The following SUPT5H variants were observed in gnomAD, a reference collection of about 807,000 sequenced individuals.
SUPT5H encodes transcription elongation factor SPT5.
Under a neutral mutation model 142.5 loss-of-function variants are expected in SUPT5H, and 24 were observed. The ratio of observed to expected loss-of-function variants is 0.17; its 90% CI spans 0.12 to 0.24. SUPT5H has a LOEUF of 0.24. Among genes scored for constraint, SUPT5H ranks in the 10% least tolerant of loss-of-function variants. SUPT5H has a pLI of 1.00. For missense variants in SUPT5H, 893 were observed against 1,471.8 expected (o/e 0.61, Z 6.43); for synonymous variants, 546 against 553.0 (o/e 0.99, Z 0.18).
intron 11 of SUPT5H, 52 bp downstream of exon 11, chr19:39,465,101 CT>C: frequency 6.4e-7 from 1 of 1,565,112 alleles, no homozygotes. Flanking sequence ...TCTGTTCTCC[CT>C]TCCTTTCCTT....
chr19:39,455,379 T>C (rs904638215), intron 3 of SUPT5H, among the ~76,000 whole-genome samples: 6 of 151,840 alleles, frequency 4.0e-5, no homozygotes, highest in Non-Finnish European at 7.4e-5. Context: ...CTGGCCAAGA[T>C]GGCGAAACCC....
chr19:39,457,023 A>T (rs974515016), intron 3 of SUPT5H, among the ~76,000 whole-genome samples: 1 of 152,234 alleles, frequency 6.6e-6, no homozygotes, highest in Non-Finnish European at 1.5e-5. Flanking sequence ...ATGTGCATGT[A>T]TTACGTTTTT....
rs1376183863 is a variant in SUPT5H at position 39,458,777 on chromosome 19, C to T, written c.320-41C>T. ...CCTATTTTCTCCAGGCCCCTGCCCT[C>T]CACCTGCCCTTGCTCACGCCCTCTG... On this transcript the variant is annotated intron_variant, in intron 5 of 29. Coordinates refer to ENST00000432763, the MANE Select transcript of SUPT5H (RefSeq NM_001111020.3). The surrounding 1 kb of genome is among the most constrained non-coding windows in gnomAD (Gnocchi z 4.2). The T allele has an allele frequency of 1.3e-6, 2 of 1,575,814 alleles. No homozygotes were observed. Among genetic ancestry groups the T allele is most frequent in the Non-Finnish European group, 1.7e-6 (2 of 1,155,680 alleles).
chr19:39,476,489 G>T lies in SUPT5H; in HGVS notation c.*90G>T, dbSNP rs895202264. ...CTGTGACACAAGATCCTCCTGCAGG[G>T]CTAGGCGGATTGTTCTGGATTTCCT... On this transcript the variant is annotated 3_prime_UTR_variant, in exon 30 of 30. Coordinates refer to ENST00000432763, the MANE Select transcript of SUPT5H (RefSeq NM_001111020.3). The T allele has an allele frequency of 3.3e-6, 5 of 1,500,718 alleles. No homozygotes were observed. Among genetic ancestry groups the T allele is most frequent in the Non-Finnish European group, 4.6e-6 (5 of 1,095,624 alleles). The allele number at this position is 1,500,718 out of a possible 1,614,324, so 93.0% of individuals were successfully genotyped here. A position where few individuals can be genotyped will look rare whatever the true frequency, so the allele number is the denominator to read the frequency against.
In SUPT5H at chr19:39,476,634, AC is replaced by A. The variant is rs1447493299; in HGVS notation, c.*237del. The A allele has an allele frequency of 4.9e-5, 27 of 552,328 alleles. No homozygotes were observed. In the African/African-American group the frequency reaches 5.0e-4, roughly 10 times the overall value. 34.2% of individuals were successfully genotyped at this position (552,328 alleles called of 1,614,324 possible). On this transcript the variant is annotated 3_prime_UTR_variant, in exon 30 of 30. Transcript: ENST00000432763. ...CCTCCCCACAGCTTGCTTTTGTTGT[AC>A]CGTCTTTCAATAAAAAGAAGCTGTT...
At position 39,472,265 on chromosome 19, in the gene SUPT5H, G is replaced by T; in HGVS notation, c.1951-144G>T. 1 of 745,588 alleles carries T rather than the reference G, an allele frequency of 1.3e-6. No individual in the cohort carries two copies. Among genetic ancestry groups the T allele is most frequent in the South Asian group, 1.6e-5 (1 of 61,538 alleles). 46.2% of individuals were successfully genotyped at this position (745,588 alleles called of 1,614,324 possible). A position where few individuals can be genotyped will look rare whatever the true frequency, so the allele number is the denominator to read the frequency against. On this transcript the variant is annotated intron_variant, in intron 20 of 29. Transcript: ENST00000432763. This position sits in a 1 kb window ranked among gnomAD's most constrained non-coding sequence, Gnocchi z 4.2. ...GTGGGGCTTGTAGGAAAGTGTGCAG[G>T]ACCAGCTGTCACAGAGGAATTCAGG...
chr19:39,459,510 A>T (rs746772200), intron 8 of SUPT5H, 49 bp from the exon 9 acceptor site: 4 of 1,610,886 alleles, frequency 2.5e-6, no homozygotes, highest in African/African-American at 1.3e-5. Context: ...TCTGTTTGTT[A>T]CTGAAGATCC....
chr19:39,459,415 C>A, intron 8 of SUPT5H, 144 bp from the exon 9 acceptor site: 3 of 1,332,580 alleles, frequency 2.3e-6, no homozygotes, highest in South Asian at 1.3e-5. Context: ...TTTCCTCTTG[C>A]TCCTGGGTAG....
At chr19:39,463,892 C>T (rs1169034691) in intron 10 of SUPT5H, among the ~76,000 whole-genome samples, 1 of 151,974 alleles carries the variant, frequency 6.6e-6, no homozygotes, top group East Asian at 1.9e-4. Context: ...TTTATTGTTA[C>T]AAAATGTTTT....
chr19:39,455,827 T>G (rs1446908687), intron 3 of SUPT5H, among the ~76,000 whole-genome samples: 1 of 151,292 alleles, frequency 6.6e-6, no homozygotes, highest in Admixed American at 6.6e-5. Context: ...TTCACCATGT[T>G]GGCCAGGCTG....
In SUPT5H at chr19:39,466,630, AG is replaced by A; in HGVS notation, c.967-44del. 3 of 1,613,424 alleles carry A rather than the reference AG, an allele frequency of 1.9e-6. No individual in the cohort carries two copies. The highest frequency in any genetic ancestry group is 2.5e-6 in the Non-Finnish European group (3 of 1,179,352). ...GTGTGCTCGATCCCACTGGTGGCCA[AG>A]CCCCCTCCCTCACCCTTCCCACCCA... On this transcript the variant is annotated intron_variant, in intron 12 of 29. Transcript: ENST00000432763. The surrounding 1 kb of genome is among the most constrained non-coding windows in gnomAD (Gnocchi z 4.3).
intron 11 of SUPT5H, among the ~76,000 whole-genome samples, chr19:39,465,604 T>C (rs948946301): frequency 2.6e-5 from 4 of 152,228 alleles, no homozygotes; most frequent in Non-Finnish European, 2.9e-5. Context: ...TTGACGATTA[T>C]GGCATCTAGC....
chr19:39,450,406 G>C (rs2079006469), intron 2 of SUPT5H, among the ~76,000 whole-genome samples: 1 of 152,174 alleles, frequency 6.6e-6, no homozygotes, highest in Non-Finnish European at 1.5e-5. Context: ...CTCCTGAATA[G>C]CTGGGATTAC....
At chr19:39,456,418 TG>T (rs67010083) in intron 3 of SUPT5H, among the ~76,000 whole-genome samples, 4 of 147,886 alleles carry the variant, frequency 2.7e-5, no homozygotes, top group African/African-American at 7.5e-5. Flanking sequence ...TTGTTGTTGT[TG>T]TTGTTGTTGT....
chr19:39,459,611 C>T, intron 9 of SUPT5H, 22 bp downstream of exon 9: 1 of 1,613,598 alleles, frequency 6.2e-7, no homozygotes, highest in Non-Finnish European at 8.5e-7. Context: ...GATCTCGGGG[C>T]TTGGAGGAGG....
At position 39,458,083 on chromosome 19, in the gene SUPT5H, G is replaced by T. The variant is rs2079114063; in HGVS notation, c.308-211G>T. On this transcript the variant is annotated intron_variant, in intron 4 of 29. Coordinates refer to ENST00000432763, the MANE Select transcript of SUPT5H (RefSeq NM_001111020.3). The surrounding 1 kb of genome is among the most constrained non-coding windows in gnomAD (Gnocchi z 4.2). ...CTTTCCCCGTTATTTTCCGTTCTGTGCGCCTCATACATTTCGGCTTCTCCC... is the reference window on the plus strand; with the variant it reads ...CTTTCCCCGTTATTTTCCGTTCTGTTCGCCTCATACATTTCGGCTTCTCCC... The T allele has an allele frequency of 1.2e-6, 1 of 836,316 alleles. No homozygotes were observed. Among genetic ancestry groups the T allele is most frequent in the Admixed American group, 2.7e-5 (1 of 37,136 alleles). The allele number at this position is 836,316 out of a possible 1,614,324, so 51.8% of individuals were successfully genotyped here.
At chr19:39,460,599 G>A (rs1292637912) in intron 10 of SUPT5H, among the ~76,000 whole-genome samples, 7 of 152,018 alleles carry the variant, frequency 4.6e-5, no homozygotes, top group East Asian at 3.9e-4. Context: ...TCAGCTGGGC[G>A]TGGTGGTGCA....
At chr19:39,447,470 AG>A (rs2078968757) in intron 2 of SUPT5H, among the ~76,000 whole-genome samples, 1 of 57,054 alleles carries the variant, frequency 1.8e-5, no homozygotes, top group Non-Finnish European at 3.3e-5. Flanking sequence ...TTTTTTTTTG[AG>A]ACAGCATCTC....
rs2079298720 is a variant in SUPT5H at position 39,470,101 on chromosome 19, C to T, written c.1375-18C>T. ...GTCTCCCTTCACCTGTTTGTTGTCC[C>T]CACACCCAATCCCCCAGGACATGTT... On this transcript the variant is annotated intron_variant, in intron 16 of 29. Coordinates refer to ENST00000432763, the MANE Select transcript of SUPT5H (RefSeq NM_001111020.3). This position sits in a 1 kb window ranked among gnomAD's most constrained non-coding sequence, Gnocchi z 5.8. 1.9e-6 allele frequency: 3 copies of T among 1,610,306 alleles called. No homozygotes were observed. Among genetic ancestry groups the T allele is most frequent in the Non-Finnish European group, 2.5e-6 (3 of 1,177,698 alleles).
Sources: gnomAD v4.1 joint callset for allele counts (sites outside exome capture counted in the v4.1 genomes callset) on GRCh38, gnomAD v4.1.1 for gene constraint, Gnocchi (gnomAD v3.1) non-coding constraint, MANE v1.5 for transcripts, NCBI Gene and HGNC (gene_info 2026-07-23, HGNC 2026-07-21) for gene names.